NOS1: variants seen among roughly 807,000 people sequenced by gnomAD.
The protein encoded by NOS1 is NOS type I.
A neutral mutation model predicts 164.5 loss-of-function variants in NOS1; 51 were observed. That is an observed-to-expected ratio of 0.31 (90% CI 0.25 to 0.39). NOS1 has a LOEUF of 0.39. Among genes scored for constraint, NOS1 ranks in the 10% least tolerant of loss-of-function variants. NOS1 has a pLI of 1.00. For synonymous variants in NOS1, 719 were observed against 745.8 expected (o/e 0.96, Z 0.59); for missense variants, 1,362 against 1,885.6 (o/e 0.72, Z 5.14).
At chr12:117,351,551 C>A (rs980685226) in intron 1 of NOS1, among the ~76,000 whole-genome samples, 7 of 152,204 alleles carry the variant, frequency 4.6e-5, no homozygotes, top group African/African-American at 1.7e-4. Context: ...GACAAATCTT[C>A]ACCTCCATTG....
chr12:117,346,028 C>T (rs767423890), intron 1 of NOS1, among the ~76,000 whole-genome samples: 76 of 152,210 alleles, frequency 5.0e-4, no homozygotes, highest in Non-Finnish European at 9.8e-4. Context: ...GGGCCCATGC[C>T]GTGTTTGGAG....
At chr12:117,226,394 G>C (rs919795592) in intron 24 of NOS1, among the ~76,000 whole-genome samples, 1 of 152,128 alleles carries the variant, frequency 6.6e-6, no homozygotes, top group East Asian at 1.9e-4. Context: ...CATGAAGGTG[G>C]AGACTGTATT....
intron 3 of NOS1, among the ~76,000 whole-genome samples, chr12:117,299,209 C>T (rs1005646775): frequency 1.3e-5 from 2 of 152,240 alleles, no homozygotes; most frequent in African/African-American, 4.8e-5. Context: ...AAGGTACCCA[C>T]TTATCCGTAC....
At chr12:117,321,289 C>T (rs1172549709) in intron 2 of NOS1, among the ~76,000 whole-genome samples, 2 of 152,174 alleles carry the variant, frequency 1.3e-5, no homozygotes, top group African/African-American at 4.8e-5. Context: ...GGATTACAGG[C>T]GTGGGCCACC....
intron 1 of NOS1, among the ~76,000 whole-genome samples, chr12:117,351,896 A>T (rs1876635490): frequency 6.6e-6 from 1 of 152,158 alleles, no homozygotes; most frequent in Non-Finnish European, 1.5e-5. Context: ...GTGTTCAAGA[A>T]CCTGCTGAGC....
intron 1 of NOS1, among the ~76,000 whole-genome samples, chr12:117,341,544 T>A (rs1166354624): frequency 6.6e-6 from 1 of 152,182 alleles, no homozygotes; most frequent in Non-Finnish European, 1.5e-5. Flanking sequence ...TATCCATCCA[T>A]CATATGACAG....
chr12:117,275,041 A>T (rs1453950615), intron 9 of NOS1, among the ~76,000 whole-genome samples: 1 of 152,130 alleles, frequency 6.6e-6, no homozygotes, highest in Non-Finnish European at 1.5e-5. Flanking sequence ...AATTGTTTGT[A>T]ACTCAAAGGA....
At chr12:117,327,172 A>T (rs1489110067) in intron 2 of NOS1, among the ~76,000 whole-genome samples, 1 of 152,116 alleles carries the variant, frequency 6.6e-6, no homozygotes, top group Non-Finnish European at 1.5e-5. Context: ...TGCCCATGGG[A>T]AGGGGACTCT....
At chr12:117,277,714 G>T (rs933608056) in intron 9 of NOS1, among the ~76,000 whole-genome samples, 1 of 152,228 alleles carries the variant, frequency 6.6e-6, no homozygotes, top group Non-Finnish European at 1.5e-5. Context: ...GCAGGTCCTT[G>T]TTAATGGCTT....
intron 25 of NOS1, 29 bp from the exon 26 acceptor site, chr12:117,222,892 G>A (rs749469273): frequency 3.9e-5 from 62 of 1,606,716 alleles, no homozygotes; most frequent in African/African-American, 1.1e-4. Context: ...TTATGTCACC[G>A]ATGGCTCTCT....
Position 117,285,289 on chromosome 12 carries a change from T to C in NOS1, c.1334A>G (p.Asn445Ser), listed in dbSNP as rs1184759706. 10 of 1,611,256 alleles carry C rather than the reference T, an allele frequency of 6.2e-6. No individual in the cohort carries two copies. Among genetic ancestry groups the C allele is most frequent in the Admixed American group, 3.3e-5 (2 of 59,890 alleles). The change falls in exon 7 of 29, where the codon AAC (asparagine) becomes AGC (serine). Residue 445 changes from asparagine to serine, a missense_variant. By Grantham distance (46) the Asn-to-Ser change is conservative. This residue lies in a region of NOS1 where 129 missense variants were observed against 186.0 expected (regional missense o/e 0.69). Coordinates refer to ENST00000317775, the MANE Select transcript of NOS1 (RefSeq NM_000620.5). ...ATACTTGACATGGTTACAGATGTAG[T>C]TGAACATCCCGTGGGCCGTGGTGCA... ...RDCTTAHGMFNYICNHVKYAT... is the reference protein window; with the variant it reads ...RDCTTAHGMFSYICNHVKYAT...
intron 2 of NOS1, 121 bp from the exon 3 acceptor site, chr12:117,311,713 A>G: frequency 1.8e-6 from 2 of 1,091,832 alleles, no homozygotes; most frequent in East Asian, 5.4e-5. Context: ...ACTCCATATG[A>G]GCCAGCGAGC....
At chr12:117,235,839 T>C (rs1869662816) in intron 20 of NOS1, among the ~76,000 whole-genome samples, 1 of 152,180 alleles carries the variant, frequency 6.6e-6, no homozygotes, top group South Asian at 2.1e-4. Context: ...GGTCAGGAGT[T>C]TGAGACCAGC....
chr12:117,256,339 C>T (rs1055646389), intron 16 of NOS1, among the ~76,000 whole-genome samples: 3 of 136,096 alleles, frequency 2.2e-5, no homozygotes, highest in African/African-American at 5.9e-5. Flanking sequence ...AGTGCAGTAG[C>T]GCAATCTCGG....
intron 3 of NOS1, among the ~76,000 whole-genome samples, chr12:117,297,178 T>C (rs142261567): frequency 7.2e-4 from 109 of 152,260 alleles, no homozygotes; most frequent in Middle Eastern, 3.4e-3. Context: ...ATTGCAAGGA[T>C]TGCAGGAGGG....
chr12:117,322,677 CCTTT>C (rs1469219763), intron 2 of NOS1, among the ~76,000 whole-genome samples: 9 of 103,354 alleles, frequency 8.7e-5, no homozygotes, highest in South Asian at 3.7e-4. Context: ...GTCCCTGCTT[CCTTT>C]CTTCCTTCCT....
chr12:117,235,331 C>T (rs995143716), intron 20 of NOS1, among the ~76,000 whole-genome samples: 1 of 152,152 alleles, frequency 6.6e-6, no homozygotes, highest in Non-Finnish European at 1.5e-5. Flanking sequence ...CATAACTCCT[C>T]ATTCTCTCCT....
intron 3 of NOS1, among the ~76,000 whole-genome samples, chr12:117,311,171 T>G (rs1874412454): frequency 6.6e-6 from 1 of 152,214 alleles, no homozygotes; most frequent in Admixed American, 6.5e-5. Context: ...AGCTACCATG[T>G]ATCTTTTATA....
intron 1 of NOS1, among the ~76,000 whole-genome samples, chr12:117,342,516 C>T (rs908210268): frequency 1.4e-4 from 22 of 151,852 alleles, no homozygotes; most frequent in African/African-American, 2.2e-4. Context: ...CAGAGACCAG[C>T]GTGTGAGAAG....
Sources: allele counts gnomAD v4.1 joint callset (sites outside exome capture counted in the v4.1 genomes callset), GRCh38; gene constraint gnomAD v4.1.1; regional missense constraint gnomAD v4.1.1; transcripts MANE v1.5; gene names NCBI Gene and HGNC (gene_info 2026-07-23, HGNC 2026-07-21).